Variants in POU2F1 observed in about 807,000 individuals in gnomAD.
The protein encoded by POU2F1 is POU domain, class 2, transcription factor 1.
Under a neutral mutation model 84.9 loss-of-function variants are expected in POU2F1, and 16 were observed. The ratio of observed to expected loss-of-function variants is 0.19; its 90% CI spans 0.13 to 0.29. The LOEUF is 0.29. Ranked by LOEUF, POU2F1 falls within the 10% of genes least tolerant of loss-of-function variation. The probability of loss-of-function intolerance (pLI) is 1.00; values close to 1 mark genes in which losing one functional copy is unlikely to be tolerated. For missense variants in POU2F1, 738 were observed against 942.6 expected, an observed-to-expected ratio of 0.78 and a Z score of 2.84; for synonymous variants, 368 against 368.3, an observed-to-expected ratio of 1.00 and a Z score of 0.01.
In POU2F1 at chr1:167,320,776, TG is replaced by T. The variant is rs542005790; in HGVS notation, c.62-11693del. On this transcript the variant is annotated intron_variant, in intron 1 of 15. Transcript: ENST00000367866. The stretch of plus-strand genomic sequence containing the variant: ...CTTCTCTGGATCTATTCTATTTATT[TG>T]AGCCTTATACGCTTGCTTCTCAATT... 5.3e-5 allele frequency among the ~76,000 whole-genome samples: 8 copies of T among 152,356 alleles called. No individual in the cohort carries two copies. The South Asian group carries it at 1.7e-3, about 32-fold the overall frequency.
At chr1:167,331,522 C>G (rs1475339085) in intron 1 of POU2F1, among the ~76,000 whole-genome samples, 1 of 152,000 alleles carries the variant, frequency 6.6e-6, no homozygotes, top group Non-Finnish European at 1.5e-5. Flanking sequence ...AAAGGCAGAA[C>G]TTATTTGACA....
intron 2 of POU2F1, among the ~76,000 whole-genome samples, chr1:167,357,007 AAT>A (rs1658982310): frequency 6.6e-6 from 1 of 152,160 alleles, no homozygotes; most frequent in Non-Finnish European, 1.5e-5. Context: ...ATGCTCAAGA[AAT>A]TACTTCTCCC....
chr1:167,342,396 T>C (rs1378906779), intron 2 of POU2F1, among the ~76,000 whole-genome samples: 1 of 152,230 alleles, frequency 6.6e-6, no homozygotes, highest in African/African-American at 2.4e-5. Context: ...AAGTTCCTAG[T>C]AACCAGTGAT....
At chr1:167,403,043 T>TA (rs1042467354) in intron 13 of POU2F1, among the ~76,000 whole-genome samples, 11 of 152,350 alleles carry the variant, frequency 7.2e-5, no homozygotes, top group Non-Finnish European at 1.2e-4. Context: ...CAAAACTAGC[T>TA]AAAAATTTGC....
intron 3 of POU2F1, among the ~76,000 whole-genome samples, chr1:167,366,970 T>C (rs1659717638): frequency 6.6e-6 from 1 of 152,186 alleles, no homozygotes; most frequent in African/African-American, 2.4e-5. Context: ...CAGTTTTCTC[T>C]GCAGGATCCT....
intron 1 of POU2F1, among the ~76,000 whole-genome samples, chr1:167,292,788 A>T (rs1332725996): frequency 5.9e-5 from 9 of 152,242 alleles, no homozygotes; most frequent in Admixed American, 5.9e-4. Context: ...CCAGCAGGAC[A>T]TAAAAAAGAC....
intron 1 of POU2F1, among the ~76,000 whole-genome samples, chr1:167,300,916 G>C (rs1179415726): frequency 1.3e-5 from 2 of 151,914 alleles, no homozygotes; most frequent in Non-Finnish European, 2.9e-5. Context: ...GATTACAGGC[G>C]CATGCCACCA....
intron 1 of POU2F1, among the ~76,000 whole-genome samples, chr1:167,296,598 A>C (rs1266842100): frequency 6.6e-6 from 1 of 152,242 alleles, no homozygotes; most frequent in Non-Finnish European, 1.5e-5. Flanking sequence ...ATATATTAGG[A>C]AAGTAAAGAA....
chr1:167,370,041 A>C (rs1374144496), intron 3 of POU2F1, 120 bp from the exon 4 acceptor site: 2 of 824,818 alleles, frequency 2.4e-6, no homozygotes, highest in African/African-American at 3.5e-5. Context: ...TCCGTAAGAC[A>C]AACTTCTTTG....
intron 1 of POU2F1, among the ~76,000 whole-genome samples, chr1:167,300,355 A>G (rs1217299368): frequency 3.9e-5 from 6 of 152,240 alleles, no homozygotes; most frequent in Non-Finnish European, 7.3e-5. Context: ...ATAGAAGCCA[A>G]AACTTCAGTA....
At chr1:167,414,725 A>G (rs931682062) in intron 15 of POU2F1, 19 of 984,034 alleles carry the variant, frequency 1.9e-5, no homozygotes, top group African/African-American at 3.5e-5. Flanking sequence ...TCCTGCTACA[A>G]TAGATTCATC....
intron 1 of POU2F1, among the ~76,000 whole-genome samples, chr1:167,303,037 T>TATGG (rs1654823766): frequency 6.6e-6 from 1 of 152,164 alleles, no homozygotes; most frequent in Admixed American, 6.5e-5. Flanking sequence ...TAGCAACCTG[T>TATGG]ATGGATCTAT....
At chr1:167,320,214 A>G (rs1394747058) in intron 1 of POU2F1, among the ~76,000 whole-genome samples, 1 of 152,240 alleles carries the variant, frequency 6.6e-6, no homozygotes, top group Non-Finnish European at 1.5e-5. Flanking sequence ...ATCAGAAATC[A>G]CATTAATAGG....
intron 1 of POU2F1, among the ~76,000 whole-genome samples, chr1:167,325,440 G>T (rs896649856): frequency 4.6e-5 from 7 of 152,224 alleles, no homozygotes; most frequent in African/African-American, 1.7e-4. Context: ...GGATGTTAAT[G>T]ATTTAGTAAG....
rs371538433 is a variant in POU2F1 at position 167,291,912 on chromosome 1, A to C, written c.62-40558A>C. 6.6e-4 allele frequency among the ~76,000 whole-genome samples: 100 copies of C among 152,304 alleles called. 1 individual carries two copies. In the South Asian group the frequency reaches 0.02, roughly 31 times the overall value. ...GTGCTCTCTTTTGTCTCTAGTAGCA[A>C]AATGAATTCTGGCTACCATGTACTG... On this transcript the variant is annotated intron_variant, in intron 1 of 15. Transcript: ENST00000367866.
intron 1 of POU2F1, among the ~76,000 whole-genome samples, chr1:167,312,095 C>T (rs576166605): frequency 1.3e-5 from 2 of 151,896 alleles, no homozygotes; most frequent in East Asian, 2.0e-4. Context: ...CCACCACGCT[C>T]GGCTAATTTT....
chr1:167,406,102 A>G (rs1649558313), intron 13 of POU2F1, among the ~76,000 whole-genome samples: 1 of 152,234 alleles, frequency 6.6e-6, no homozygotes. Flanking sequence ...TCGAGAAAAT[A>G]TAAACCAAAA....
intron 1 of POU2F1, among the ~76,000 whole-genome samples, chr1:167,271,662 A>G (rs1181515571): frequency 6.6e-6 from 1 of 152,206 alleles, no homozygotes; most frequent in East Asian, 1.9e-4. Flanking sequence ...ATCTGATGAA[A>G]TGAGGACCTC....
rs186557693 is a variant in POU2F1, at chr1:167,232,481, A to G, written c.61+11523A>G. On this transcript the variant is annotated intron_variant, in intron 1 of 15. Coordinates refer to ENST00000367866, the MANE Select transcript of POU2F1 (RefSeq NM_002697.4). ...AAGGATATAAAGAAAAATTTTTTGT[A>G]TAGCTGTACAGTGTGTTTGAAACTG... Among the ~76,000 whole-genome samples, 3 of 152,350 alleles carry G rather than the reference A, an allele frequency of 2.0e-5. No individual in the cohort carries two copies. In the East Asian group the frequency reaches 5.8e-4, roughly 29 times the overall value.
Sources: gnomAD v4.1 joint callset for allele counts (sites outside exome capture counted in the v4.1 genomes callset) on GRCh38, gnomAD v4.1.1 for gene constraint, MANE v1.5 for transcripts, NCBI Gene and HGNC (gene_info 2026-07-23, HGNC 2026-07-21) for gene names.